GRAMD4: variants seen among roughly 807,000 people sequenced by gnomAD.
GRAMD4 encodes the protein GRAM domain-containing protein 4.
A neutral mutation model predicts 83.9 loss-of-function variants in GRAMD4; 25 were observed. That is an observed-to-expected ratio of 0.30 (90% confidence interval 0.22 to 0.42). GRAMD4 has a LOEUF of 0.42. Among genes scored for constraint, GRAMD4 ranks in the 10% least tolerant of loss-of-function variants. GRAMD4 has a pLI of 1.00. For synonymous variants in GRAMD4, 336 were observed against 320.9 expected (o/e 1.05, Z -0.50); for missense variants, 593 against 788.7 (o/e 0.75, Z 2.97).
chr22:46,596,042 A>AT (rs1280636090), intron 1 of GRAMD4, among the ~76,000 whole-genome samples: 2 of 152,228 alleles, frequency 1.3e-5, no homozygotes, highest in Non-Finnish European at 2.9e-5. Flanking sequence ...GTGCATTAGG[A>AT]TGGGTTCACT....
At position 46,676,513 on chromosome 22, in the gene GRAMD4, T is replaced by TGGAG; in HGVS notation, c.1564-85_1564-82dup. 2.5e-6 allele frequency: 3 copies of TGGAG among 1,194,192 alleles called. No individual in the cohort carries two copies. The South Asian group carries it at 3.9e-5, about 16-fold the overall frequency. 74.0% of individuals were successfully genotyped at this position (1,194,192 alleles called of 1,614,324 possible). On this transcript the variant is annotated intron_variant, in intron 17 of 18. Coordinates refer to ENST00000406902, the MANE Select transcript of GRAMD4 (RefSeq NM_015124.5). ...TGGGCCCTGCTGCCTGTGTGCCCAG[T>TGGAG]GGAGGAGGATGCCCTGGGCCTGTGG...
intron 1 of GRAMD4, among the ~76,000 whole-genome samples, chr22:46,607,315 G>A (rs1170239283): frequency 6.6e-6 from 1 of 152,182 alleles, no homozygotes; most frequent in Admixed American, 6.5e-5. Context: ...TGCATGTTGT[G>A]CACATGTACC....
chr22:46,637,274 A>T lies in GRAMD4; in HGVS notation c.163-566A>T, dbSNP rs1365073346. On this transcript the variant is annotated intron_variant, in intron 2 of 18. Transcript: ENST00000406902. ...CAGTTCCCTTTTTTTTTTTTTTGAG[A>T]TGGAGTCTCGCTCTGTCGCCCAGGC... is the stretch of plus-strand genomic sequence containing the variant. Among the ~76,000 whole-genome samples, 5 of 142,036 alleles carry T rather than the reference A, an allele frequency of 3.5e-5. No individual in the cohort carries two copies. In the Admixed American group the frequency reaches 3.5e-4, roughly 10 times the overall value. 93.2% of individuals were successfully genotyped at this position (142,036 alleles called of 152,430 possible). A position where few individuals can be genotyped will look rare whatever the true frequency, so the allele number is the denominator to read the frequency against.
At chr22:46,647,711 C>T (rs754783849) in intron 3 of GRAMD4, among the ~76,000 whole-genome samples, 35 of 152,268 alleles carry the variant, frequency 2.3e-4, no homozygotes, top group South Asian at 2.1e-4. Flanking sequence ...CTAGTCACTG[C>T]GTCCCGCCCT....
chr22:46,669,771 G>A (rs1374522913), intron 13 of GRAMD4, among the ~76,000 whole-genome samples: 1 of 152,054 alleles, frequency 6.6e-6, no homozygotes, highest in African/African-American at 2.4e-5. Context: ...TAGAGACGGG[G>A]TTTCACCTTA....
At chr22:46,609,013 A>G (rs1328255218) in intron 1 of GRAMD4, among the ~76,000 whole-genome samples, 1 of 151,900 alleles carries the variant, frequency 6.6e-6, no homozygotes, top group Non-Finnish European at 1.5e-5. Flanking sequence ...CTGCAGTACC[A>G]CCTACCCCAG....
chr22:46,676,100 C>T (rs1482525262), intron 17 of GRAMD4, among the ~76,000 whole-genome samples: 3 of 152,230 alleles, frequency 2.0e-5, no homozygotes, highest in Non-Finnish European at 4.4e-5. Flanking sequence ...CAGCTCCGAG[C>T]GTCCTGGGCA....
At chr22:46,617,354 G>A (rs1242765568), upstream of GRAMD4, among the ~76,000 whole-genome samples, 1 of 150,172 alleles carries the variant, frequency 6.7e-6, no homozygotes, top group African/African-American at 2.5e-5. Context: ...CCGTGTGTAG[G>A]TTCTCCCATG....
In GRAMD4 at chr22:46,587,517, G is replaced by C. The variant is rs140225473; in HGVS notation, c.-50+10227G>C. On this transcript the variant is annotated intron_variant, in intron 1 of 1. Transcript: ENST00000431155. The stretch of plus-strand genomic sequence containing the variant: ...TTCTGTAGCCCTTCTCTTCCAACTA[G>C]GGGGATAGTCAGGGTCTGACAAAGG... Among the ~76,000 whole-genome samples, 325 of 151,826 alleles carry C rather than the reference G, an allele frequency of 2.1e-3. 1 individual carries two copies. The highest frequency in any genetic ancestry group is 7.6e-3 in the African/African-American group (313 of 41,406).
At chr22:46,670,258 G>A (rs1174394429) in intron 13 of GRAMD4, among the ~76,000 whole-genome samples, 3 of 152,246 alleles carry the variant, frequency 2.0e-5, no homozygotes, top group Non-Finnish European at 2.9e-5. Flanking sequence ...CTGACCCAGC[G>A]TAACTGCTGG....
intron 1 of GRAMD4, among the ~76,000 whole-genome samples, chr22:46,607,985 C>T (rs555709365): frequency 2.0e-5 from 3 of 152,210 alleles, no homozygotes; most frequent in Non-Finnish European, 4.4e-5. Context: ...GTTAGGGCAG[C>T]ACTTCCAGCT....
chr22:46,645,383 G>T (rs916934263), intron 3 of GRAMD4, among the ~76,000 whole-genome samples: 1 of 152,152 alleles, frequency 6.6e-6, no homozygotes, highest in Non-Finnish European at 1.5e-5. Flanking sequence ...TGCCACTGTG[G>T]CCATCTCTGC....
In GRAMD4 at chr22:46,607,981, G is replaced by T. The variant is rs145941983; in HGVS notation, c.-49-18770G>T. Among the ~76,000 whole-genome samples, 313 of 152,300 alleles carry T rather than the reference G, an allele frequency of 2.1e-3. 1 individual carries two copies. Among genetic ancestry groups the T allele is most frequent in the African/African-American group, 7.1e-3 (296 of 41,556 alleles). On this transcript the variant is annotated intron_variant, in intron 1 of 1. Transcript: ENST00000431155. ...GTGGGGTGTCTTCTCCACAGTTAGG[G>T]CAGCACTTCCAGCTCCATGGGTTTG...
At chr22:46,611,534 A>G (rs1231191731) in intron 1 of GRAMD4, among the ~76,000 whole-genome samples, 1 of 152,078 alleles carries the variant, frequency 6.6e-6, no homozygotes, top group Non-Finnish European at 1.5e-5. Flanking sequence ...CTTCCTTTCA[A>G]CATTGTGATT....
At chr22:46,626,407 C>T (rs991184000) in intron 1 of GRAMD4, among the ~76,000 whole-genome samples, 119 of 152,098 alleles carry the variant, frequency 7.8e-4, no homozygotes, top group South Asian at 1.2e-3. Flanking sequence ...CCCTGGCTTC[C>T]TTCTGCCTGC....
chr22:46,678,497 G>A lies in GRAMD4; in HGVS notation c.*1246G>A, dbSNP rs965460857. 7 of 985,264 alleles carry A rather than the reference G, an allele frequency of 7.1e-6. No homozygotes were observed. The highest frequency in any genetic ancestry group is 3.5e-5 in the African/African-American group (2 of 57,218). The allele number at this position is 985,264 out of a possible 1,614,324, so 61.0% of individuals were successfully genotyped here. On this transcript the variant is annotated 3_prime_UTR_variant, in exon 19 of 19. Transcript: ENST00000406902. ...GGCCTGGTCTGCTGGGGCCGCCTGC[G>A]CTGGGCTGAAGGGAGGGAAAGGCGG... is the stretch of plus-strand genomic sequence containing the variant.
At position 46,679,469 on chromosome 22, in the gene GRAMD4, G is replaced by C. The variant is rs992678850; in HGVS notation, c.*2218G>C. ...TCGGGAGCGGAGCGCGGATCGGCAC[G>C]GGCTCTGGGCTCCCCGTGGAGAGAA... On this transcript the variant is annotated 3_prime_UTR_variant, in exon 19 of 19. Coordinates refer to ENST00000406902, the MANE Select transcript of GRAMD4 (RefSeq NM_015124.5). The C allele has an allele frequency of 5.1e-6, 5 of 985,436 alleles. No individual in the cohort carries two copies. The South Asian group carries it at 1.4e-4, about 28-fold the overall frequency. The allele number at this position is 985,436 out of a possible 1,614,324, so 61.0% of individuals were successfully genotyped here.
chr22:46,655,358 A>G (rs1433968121), intron 3 of GRAMD4, among the ~76,000 whole-genome samples: 1 of 152,120 alleles, frequency 6.6e-6, no homozygotes. Flanking sequence ...CGGGAAAGCA[A>G]CAAGTTCTGG....
upstream of GRAMD4, among the ~76,000 whole-genome samples, chr22:46,620,088 C>T (rs2081552069): frequency 6.6e-6 from 1 of 151,060 alleles, no homozygotes. This position sits in a 1 kb window ranked among gnomAD's most constrained non-coding sequence, Gnocchi z 4.7. Context: ...AGACACGGCT[C>T]AGGGCAAGCG....
Sources: allele counts gnomAD v4.1 joint callset (sites outside exome capture counted in the v4.1 genomes callset), GRCh38; gene constraint gnomAD v4.1.1; non-coding constraint Gnocchi (gnomAD v3.1); transcripts MANE v1.5; gene names NCBI Gene and HGNC (gene_info 2026-07-23, HGNC 2026-07-21).